The following FAM13A variants were observed in gnomAD, a reference collection of about 807,000 sequenced individuals.
The protein encoded by FAM13A is family with sequence similarity 13 member A, also known as protein FAM13A.
In FAM13A, 76 loss-of-function variants were observed where a neutral mutation model predicts 129.6. The observed-to-expected ratio is 0.59, with a 90% CI of 0.49 to 0.71. The LOEUF (loss-of-function observed/expected upper bound fraction) is 0.71, where lower values mean the gene tolerates loss of function less well. Among genes scored for constraint, FAM13A ranks in the 30% least tolerant of loss-of-function variants. The pLI, the probability that FAM13A is intolerant of heterozygous loss-of-function variation, is 0.00. For synonymous variants in FAM13A, 443 were observed against 449.9 expected, an observed-to-expected ratio of 0.98 and a Z score of 0.20; for missense variants, 1,108 against 1,249.3, an observed-to-expected ratio of 0.89 and a Z score of 1.70.
rs759888439 is a variant in FAM13A at position 88,805,000 on chromosome 4, C to G, written c.1049+11G>C. 1.3e-6 allele frequency: 2 copies of G among 1,530,038 alleles called. No homozygotes were observed. The highest frequency in any genetic ancestry group is 2.3e-5 in the South Asian group (2 of 88,140). 94.8% of individuals were successfully genotyped at this position (1,530,038 alleles called of 1,614,324 possible). A position where few individuals can be genotyped will look rare whatever the true frequency, so the allele number is the denominator to read the frequency against. On this transcript the variant is annotated intron_variant, in intron 8 of 23. Coordinates refer to ENST00000264344, the MANE Select transcript of FAM13A (RefSeq NM_014883.4). ...TTCCCTGTAGTAGACCAACAAAAATCAAATAAATACCTCAAATAGAAAGGT... is the reference window on the plus strand; with the variant it reads ...TTCCCTGTAGTAGACCAACAAAAATGAAATAAATACCTCAAATAGAAAGGT...
chr4:88,756,682 GAC>G, intron 14 of FAM13A, among the ~76,000 whole-genome samples: 1 of 152,214 alleles, frequency 6.6e-6, no homozygotes, highest in African/African-American at 2.4e-5. Context: ...TTACTGGAAA[GAC>G]ACAATTTTCT....
At chr4:88,850,072 AAATT>A (rs1345045698) in intron 7 of FAM13A, among the ~76,000 whole-genome samples, 5 of 152,136 alleles carry the variant, frequency 3.3e-5, no homozygotes, top group Non-Finnish European at 2.9e-5. Flanking sequence ...CTCCTTAACT[AAATT>A]ATTTCTCTGT....
rs189351635 is a variant in FAM13A, at chr4:88,913,763, C to T, written c.760-7301G>A. ...TCCCAAATGATATGAAATCATTCAC[C>T]TTCATGGCTTTTAAATACTACCAAT... On this transcript the variant is annotated intron_variant, in intron 5 of 23. Coordinates refer to ENST00000264344, the MANE Select transcript of FAM13A (RefSeq NM_014883.4). 2.0e-3 allele frequency among the ~76,000 whole-genome samples: 310 copies of T among 152,216 alleles called. 2 individuals are homozygous for T. Among genetic ancestry groups the T allele is most frequent in the African/African-American group, 6.9e-3 (285 of 41,542 alleles).
chr4:88,738,425 T>C (rs1239824392), intron 20 of FAM13A, among the ~76,000 whole-genome samples: 1 of 152,138 alleles, frequency 6.6e-6, no homozygotes, highest in Non-Finnish European at 1.5e-5. Context: ...AGACTTCCTG[T>C]CGCTGAAGGC....
chr4:88,817,073 T>C (rs1421128060), intron 7 of FAM13A, among the ~76,000 whole-genome samples: 1 of 152,148 alleles, frequency 6.6e-6, no homozygotes, highest in Non-Finnish European at 1.5e-5. Context: ...TATTGATACA[T>C]GCCACAACAT....
chr4:89,016,718 T>C (rs1352780815), intron 3 of FAM13A, among the ~76,000 whole-genome samples: 2 of 152,208 alleles, frequency 1.3e-5, no homozygotes, highest in African/African-American at 2.4e-5. Context: ...CACTGCAGCC[T>C]TGACTTTCTA....
intron 21 of FAM13A, among the ~76,000 whole-genome samples, chr4:88,733,659 A>G (rs143942634): frequency 0.012 from 1,839 of 152,266 alleles, 31 homozygotes; most frequent in African/African-American, 0.042. Context: ...AACTCAGTGA[A>G]GGCAGGAATT....
At chr4:88,761,178 C>T (rs529156229) in intron 13 of FAM13A, among the ~76,000 whole-genome samples, 1 of 152,220 alleles carries the variant, frequency 6.6e-6, no homozygotes, top group African/African-American at 2.4e-5. Context: ...ATAAGTGATA[C>T]CAATTTTGCA....
chr4:88,784,442 T>A (rs546392988), intron 10 of FAM13A, among the ~76,000 whole-genome samples: 37 of 152,330 alleles, frequency 2.4e-4, no homozygotes, highest in Non-Finnish European at 4.4e-4. Context: ...CTGTCAGATT[T>A]CAATCACATT....
intron 5 of FAM13A, among the ~76,000 whole-genome samples, chr4:88,927,780 C>G (rs766973629): frequency 7.9e-5 from 12 of 151,896 alleles, no homozygotes; most frequent in Non-Finnish European, 1.6e-4. Context: ...AGTGAGTGGT[C>G]TATCAATTTT....
rs774163076 is a variant in FAM13A, at chr4:88,739,133, G to T, written c.2467-8C>A. On this transcript the variant is annotated splice_polypyrimidine_tract_variant and splice_region_variant and intron_variant, in intron 19 of 23. Coordinates refer to ENST00000264344, the MANE Select transcript of FAM13A (RefSeq NM_014883.4). ...CCGTTCGTTCTTTGTTACCTGAAAAGCAAGAATGAGAGCTATGAGAAGCCT... is the reference window on the plus strand; with the variant it reads ...CCGTTCGTTCTTTGTTACCTGAAAATCAAGAATGAGAGCTATGAGAAGCCT... 1.9e-6 allele frequency: 3 copies of T among 1,602,116 alleles called. No homozygotes were observed. Among genetic ancestry groups the T allele is most frequent in the South Asian group, 1.1e-5 (1 of 90,844 alleles).
Position 88,759,028 on chromosome 4 carries a change from T to C in FAM13A, c.1579-127A>G, listed in dbSNP as rs532401175. The C allele has an allele frequency of 1.5e-4, 144 of 986,198 alleles. No homozygotes were observed. In the African/African-American group the frequency reaches 1.9e-3, roughly 13 times the overall value. The allele number at this position is 986,198 out of a possible 1,614,324, so 61.1% of individuals were successfully genotyped here. A position where few individuals can be genotyped will look rare whatever the true frequency, so the allele number is the denominator to read the frequency against. On this transcript the variant is annotated intron_variant, in intron 13 of 23. Transcript: ENST00000264344. ...GCTGCTAATGCATCCAGCACAGAAA[T>C]AAAAATCATGGCTTGATGCCCCCCG...
chr4:88,945,269 A>G (rs1755472725), intron 4 of FAM13A, among the ~76,000 whole-genome samples: 1 of 152,282 alleles, frequency 6.6e-6, no homozygotes, highest in Non-Finnish European at 1.5e-5. Context: ...AAACTGGACA[A>G]CTCAACATAA....
chr4:88,984,359 TATAGA>T (rs577562698), intron 4 of FAM13A, among the ~76,000 whole-genome samples: 291 of 152,192 alleles, frequency 1.9e-3, no homozygotes, highest in Non-Finnish European at 3.1e-3. Flanking sequence ...AAAGGCAACT[TATAGA>T]ATAGAAGAAA....
At chr4:88,759,568 G>A (rs1380969464) in intron 13 of FAM13A, 1 of 152,170 alleles carries the variant, frequency 6.6e-6, no homozygotes, top group Non-Finnish European at 1.5e-5. Flanking sequence ...AAAGAATACG[G>A]ACTCTGGAAA....
At chr4:88,996,243 G>C (rs535193568) in intron 3 of FAM13A, among the ~76,000 whole-genome samples, 16 of 152,290 alleles carry the variant, frequency 1.1e-4, no homozygotes, top group African/African-American at 3.8e-4. Flanking sequence ...TTTGTTTACT[G>C]TGTGAGGGTT....
At chr4:88,959,572 G>GA (rs1309347349) in intron 4 of FAM13A, among the ~76,000 whole-genome samples, 15 of 152,180 alleles carry the variant, frequency 9.9e-5, no homozygotes, top group Non-Finnish European at 1.5e-4. Context: ...GGCTTCCCGA[G>GA]AAGCCCAGCT....
chr4:88,894,890 C>A (rs1234267336), intron 6 of FAM13A, among the ~76,000 whole-genome samples: 1 of 152,096 alleles, frequency 6.6e-6, no homozygotes, highest in African/African-American at 2.4e-5. Context: ...TCAGTCATAT[C>A]CTTTAATTCT....
At chr4:88,920,017 G>T (rs547116704) in intron 5 of FAM13A, among the ~76,000 whole-genome samples, 2 of 152,352 alleles carry the variant, frequency 1.3e-5, no homozygotes, top group Admixed American at 1.3e-4. Flanking sequence ...CCATTGCCCA[G>T]GCTTGCTTAG....
Sources: allele counts gnomAD v4.1 joint callset (sites outside exome capture counted in the v4.1 genomes callset), GRCh38; gene constraint gnomAD v4.1.1; transcripts MANE v1.5; gene names NCBI Gene and HGNC (gene_info 2026-07-23, HGNC 2026-07-21).